SIL1: variants seen among roughly 807,000 people sequenced by gnomAD.
SIL1 encodes the protein SIL1 nucleotide exchange factor.
In SIL1, 40 loss-of-function variants were observed where a neutral mutation model predicts 49.1. The ratio of observed to expected loss-of-function variants is 0.81; its 90% CI spans 0.63 to 1.06. The LOEUF is 1.06. Ranked by LOEUF, SIL1 falls within the 50% of genes least tolerant of loss-of-function variation. The pLI is 0.00. For synonymous variants in SIL1, 253 were observed against 250.8 expected (o/e 1.01, Z -0.08); for missense variants, 500 against 572.6 (o/e 0.87, Z 1.29).
chr5:138,947,589 A>C lies in SIL1; in HGVS notation c.1030-116T>G, dbSNP rs1766664752. 1 of 843,600 alleles carries C rather than the reference A, an allele frequency of 1.2e-6. No homozygotes were observed. Among genetic ancestry groups the C allele is most frequent in the African/African-American group, 1.7e-5 (1 of 60,466 alleles). 52.3% of individuals were successfully genotyped at this position (843,600 alleles called of 1,614,324 possible). On this transcript the variant is annotated intron_variant, in intron 9 of 9. Transcript: ENST00000394817. The surrounding 1 kb of genome is among the most constrained non-coding windows in gnomAD (Gnocchi z 4.1). ...CTTCAGACAGGAAGGCACGAGGCTGACCCCTGAGGGCCCACCTCTTCCTCT... is the reference window on the plus strand; with the variant it reads ...CTTCAGACAGGAAGGCACGAGGCTGCCCCCTGAGGGCCCACCTCTTCCTCT...
At chr5:139,155,350 G>A (rs895287953) in intron 1 of SIL1, 1 of 152,030 alleles carries the variant, frequency 6.6e-6, no homozygotes, top group Non-Finnish European at 1.5e-5. Context: ...CAAGATCAAG[G>A]TTCCAGCTGA....
At chr5:139,169,522 G>A (rs1479802910) in intron 1 of SIL1, among the ~76,000 whole-genome samples, 2 of 148,898 alleles carry the variant, frequency 1.3e-5, no homozygotes, top group Non-Finnish European at 3.0e-5. Flanking sequence ...TATTGCCCAG[G>A]CTGGACTGGA....
intron 7 of SIL1, among the ~76,000 whole-genome samples, chr5:138,983,042 C>T (rs934200968): frequency 5.9e-5 from 9 of 151,418 alleles, no homozygotes; most frequent in East Asian, 2.0e-4. Flanking sequence ...GCTAAAAATA[C>T]AAAAATTAGC....
At chr5:139,123,498 C>T (rs374962866) in intron 2 of SIL1, among the ~76,000 whole-genome samples, 49 of 152,332 alleles carry the variant, frequency 3.2e-4, no homozygotes, top group African/African-American at 1.2e-3. Flanking sequence ...CCCAAAGCAC[C>T]TGAGTCTGCT....
At chr5:139,036,535 T>C (rs1283650177) in intron 5 of SIL1, among the ~76,000 whole-genome samples, 8 of 152,236 alleles carry the variant, frequency 5.3e-5, no homozygotes, top group Non-Finnish European at 1.2e-4. Context: ...GAATGAGATC[T>C]ATCCCTTCAA....
chr5:139,131,172 A>T (rs1257865378), intron 1 of SIL1, among the ~76,000 whole-genome samples: 1 of 152,236 alleles, frequency 6.6e-6, no homozygotes, highest in African/African-American at 2.4e-5. Context: ...CCAGACCCTT[A>T]TAAGAGGTTT....
At chr5:139,030,538 G>A (rs918845268) in intron 5 of SIL1, among the ~76,000 whole-genome samples, 4 of 150,728 alleles carry the variant, frequency 2.7e-5, no homozygotes, top group Non-Finnish European at 4.4e-5. Flanking sequence ...CCAGCTACCC[G>A]GGAGGCTGAG....
intron 1 of SIL1, among the ~76,000 whole-genome samples, chr5:139,192,296 T>TCCA (rs1296955466): frequency 6.6e-6 from 1 of 152,012 alleles, no homozygotes; most frequent in Non-Finnish European, 1.5e-5. Flanking sequence ...AGATTATTCT[T>TCCA]CCAGTTTCTA....
At chr5:139,031,420 T>C (rs1768790256) in intron 5 of SIL1, among the ~76,000 whole-genome samples, 1 of 152,218 alleles carries the variant, frequency 6.6e-6, no homozygotes, top group Admixed American at 6.5e-5. Context: ...AATCAGTCAG[T>C]TGTATTAGTG....
intron 1 of SIL1, among the ~76,000 whole-genome samples, chr5:139,186,722 T>C (rs1342800805): frequency 6.6e-6 from 1 of 152,142 alleles, no homozygotes; most frequent in Non-Finnish European, 1.5e-5. Flanking sequence ...GCTGACCAAA[T>C]AGCAGGACTC....
intron 8 of SIL1, 22 bp downstream of exon 8, chr5:138,951,766 G>A: frequency 6.2e-7 from 1 of 1,609,082 alleles, no homozygotes; most frequent in South Asian, 1.1e-5. Context: ...GGCTGGGCAG[G>A]AGGAAGGGCA....
chr5:139,042,609 T>C lies in SIL1; in HGVS notation c.453+11A>G. The stretch of plus-strand genomic sequence containing the variant: ...TGCAGGCTTATACTCACAGGAAAAA[T>C]AATCACACACCTTGTCTTCCTTTGA... On this transcript the variant is annotated intron_variant, in intron 5 of 9. Coordinates refer to ENST00000394817, the MANE Select transcript of SIL1 (RefSeq NM_022464.5). The C allele has an allele frequency of 2.5e-6, 4 of 1,612,856 alleles. No homozygotes were observed. The highest frequency in any genetic ancestry group is 3.4e-6 in the Non-Finnish European group (4 of 1,178,874).
intron 3 of SIL1, among the ~76,000 whole-genome samples, chr5:139,094,733 T>C (rs1468869169): frequency 1.3e-5 from 2 of 152,234 alleles, no homozygotes; most frequent in Non-Finnish European, 2.9e-5. Context: ...AACATTGGTA[T>C]ATTAGTGTTA....
chr5:139,116,865 T>C (rs956690165), intron 3 of SIL1, among the ~76,000 whole-genome samples: 1 of 152,276 alleles, frequency 6.6e-6, no homozygotes, highest in African/African-American at 2.4e-5. Flanking sequence ...TTACATATGT[T>C]AACCTTGTTT....
intron 3 of SIL1, among the ~76,000 whole-genome samples, chr5:139,106,085 C>T (rs1333355880): frequency 2.0e-5 from 3 of 152,136 alleles, no homozygotes; most frequent in Non-Finnish European, 4.4e-5. Flanking sequence ...ACTCAGAAGC[C>T]CCAGGAGAGG....
At chr5:139,042,552 T>C in intron 5 of SIL1, 68 bp downstream of exon 5, 4 of 1,306,178 alleles carry the variant, frequency 3.1e-6, no homozygotes, top group Non-Finnish European at 4.4e-6. Flanking sequence ...ATAAAAATGA[T>C]TCCATTCTCT....
chr5:138,949,028 A>G (rs1462453245), intron 9 of SIL1, among the ~76,000 whole-genome samples: 11 of 152,234 alleles, frequency 7.2e-5, no homozygotes. Flanking sequence ...AGTCCCGGGT[A>G]TTCTGTTAAA....
intron 7 of SIL1, among the ~76,000 whole-genome samples, chr5:138,981,715 G>A (rs1235948231): frequency 2.0e-5 from 3 of 152,174 alleles, no homozygotes; most frequent in African/African-American, 7.2e-5. Context: ...TGATGGGCAG[G>A]GACTGGAGTT....
intron 9 of SIL1, 22 bp downstream of exon 9, chr5:138,951,149 C>A (rs568084946): frequency 8.7e-6 from 14 of 1,608,882 alleles, no homozygotes; most frequent in Middle Eastern, 1.6e-4. Flanking sequence ...CAAGAGGAGA[C>A]TGGGTGGGCC....
Sources: allele counts gnomAD v4.1 joint callset (sites outside exome capture counted in the v4.1 genomes callset), GRCh38; gene constraint gnomAD v4.1.1; non-coding constraint Gnocchi (gnomAD v3.1); transcripts MANE v1.5; gene names NCBI Gene and HGNC (gene_info 2026-07-23, HGNC 2026-07-21).